JADE1: variants seen among roughly 807,000 people sequenced by gnomAD.
JADE1 encodes the protein protein Jade-1.
A neutral mutation model predicts 81.8 loss-of-function variants in JADE1; 14 were observed. That is an observed-to-expected ratio of 0.17 (90% CI 0.11 to 0.27). The LOEUF (loss-of-function observed/expected upper bound fraction) is 0.27. Ranked by LOEUF, JADE1 falls within the 10% of genes least tolerant of loss-of-function variation. The probability of loss-of-function intolerance (pLI) is 1.00; values close to 1 mark genes in which losing one functional copy is unlikely to be tolerated. For missense variants in JADE1, 690 were observed against 1,047.9 expected (o/e 0.66, Z 4.71); for synonymous variants, 353 against 391.9 (o/e 0.90, Z 1.17).
intron 8 of JADE1, among the ~76,000 whole-genome samples, chr4:128,859,529 ATG>A (rs754290665): frequency 2.7e-5 from 4 of 149,086 alleles, no homozygotes; most frequent in East Asian, 2.0e-4. Flanking sequence ...ATGCTTGTGT[ATG>A]TGTGTATGCA....
intron 3 of JADE1, among the ~76,000 whole-genome samples, chr4:128,845,442 G>T (rs911053997): frequency 2.6e-5 from 4 of 152,212 alleles, no homozygotes; most frequent in Admixed American, 2.6e-4. Flanking sequence ...CCAGGTAGAA[G>T]TTTTGCCAGG....
intron 1 of JADE1, among the ~76,000 whole-genome samples, chr4:128,815,345 C>T (rs1441477597): frequency 2.0e-5 from 3 of 152,158 alleles, no homozygotes; most frequent in Admixed American, 6.5e-5. Flanking sequence ...CGTGATCCGC[C>T]CGCCTCAGCC....
Position 128,871,993 on chromosome 4 carries a change from C to T in JADE1, c.2260C>T (p.Pro754Ser), listed in dbSNP as rs1425840913. The T allele has an allele frequency of 1.2e-6, 2 of 1,613,838 alleles. No homozygotes were observed. Among genetic ancestry groups the T allele is most frequent in the South Asian group, 2.2e-5 (2 of 91,080 alleles). Reference protein sequence around the residue: ...PVKNWGGFRIPKKGERQQQGE... With the variant: ...PVKNWGGFRISKKGERQQQGE... ...GAAAAACTGGGGAGGATTCCGGATT[C>T]CAAAGAAGGGGGAACGGCAGCAGCA... The change falls in exon 11 of 11, where the codon CCA (proline) becomes TCA (serine). Residue 754 changes from proline (P) to serine (S), a missense_variant. Pro to Ser is a moderately conservative substitution (Grantham distance 74). This residue lies in a region of JADE1 where 218 missense variants were observed against 274.3 expected (regional missense o/e 0.79). Transcript: ENST00000226319. This position sits in a 1 kb window ranked among gnomAD's most constrained non-coding sequence, Gnocchi z 4.1.
chr4:128,871,351 A>G lies in JADE1; in HGVS notation c.1622-4A>G. 3 of 1,609,542 alleles carry G rather than the reference A, an allele frequency of 1.9e-6. No homozygotes were observed. Among genetic ancestry groups the G allele is most frequent in the Non-Finnish European group, 2.5e-6 (3 of 1,177,636 alleles). On this transcript the variant is annotated splice_polypyrimidine_tract_variant and splice_region_variant and intron_variant, in intron 10 of 10. Coordinates refer to ENST00000226319, the MANE Select transcript of JADE1 (RefSeq NM_199320.4). This position sits in a 1 kb window ranked among gnomAD's most constrained non-coding sequence, Gnocchi z 4.1. ...TTTCTTTATTTGTGGTTTTATGTTT[A>G]TAGGTGTGCCTTCTTCCTGCTCCTC... is the stretch of plus-strand genomic sequence containing the variant.
chr4:128,854,591 T>A (rs1730637834), intron 6 of JADE1, among the ~76,000 whole-genome samples: 1 of 152,196 alleles, frequency 6.6e-6, no homozygotes, highest in African/African-American at 2.4e-5. Context: ...CTCATCCTTG[T>A]GGTTTCCTCT....
chr4:128,852,367 G>A, intron 6 of JADE1, 99 bp downstream of exon 6: 2 of 914,666 alleles, frequency 2.2e-6, no homozygotes, highest in South Asian at 1.5e-5. Flanking sequence ...CTCCGAATGG[G>A]GTCTGTGTTT....
rs77445853 is a variant in JADE1, at chr4:128,831,046, C to T, written c.-26-687C>T. Among the ~76,000 whole-genome samples, 679 of 152,176 alleles carry T rather than the reference C, an allele frequency of 4.5e-3. 1 individual carries two copies. The highest frequency in any genetic ancestry group is 6.8e-3 in the Middle Eastern group (2 of 294). ...ATAGTGTTGGATTTGGAATTAGAAG[C>T]TCCATTCCCACAACGTGACCTTGGG... On this transcript the variant is annotated intron_variant, in intron 1 of 10. Coordinates refer to ENST00000226319, the MANE Select transcript of JADE1 (RefSeq NM_199320.4).
chr4:128,869,928 G>A (rs1732064530), intron 10 of JADE1, among the ~76,000 whole-genome samples: 1 of 152,036 alleles, frequency 6.6e-6, no homozygotes, highest in South Asian at 2.1e-4. Flanking sequence ...TAGAGCAGAT[G>A]GTCATGATTT....
At chr4:128,845,931 A>G (rs1198701569) in intron 3 of JADE1, among the ~76,000 whole-genome samples, 2 of 151,980 alleles carry the variant, frequency 1.3e-5, no homozygotes, top group African/African-American at 4.8e-5. Context: ...CTCAGAAAAA[A>G]AAAAAAGGAG....
chr4:128,829,490 G>A (rs1728348184), intron 1 of JADE1, among the ~76,000 whole-genome samples: 1 of 152,120 alleles, frequency 6.6e-6, no homozygotes, highest in Admixed American at 6.5e-5. Flanking sequence ...TATAGATTAG[G>A]GACCTAAATA....
intron 10 of JADE1, 45 bp downstream of exon 10, chr4:128,868,018 G>A (rs765412453): frequency 5.6e-5 from 57 of 1,022,774 alleles, no homozygotes; most frequent in Admixed American, 1.1e-4. Context: ...GCAGGGGTTT[G>A]TAAGCTTTAA....
rs1361861628 is a variant in JADE1 at position 128,874,088 on chromosome 4, A to C, written c.*1826A>C. The C allele has an allele frequency of 1.3e-5, 2 of 152,656 alleles. No individual in the cohort carries two copies. The highest frequency in any genetic ancestry group is 2.9e-5 in the Non-Finnish European group (2 of 68,046). The allele number at this position is 152,656 out of a possible 1,614,324, so 9.5% of individuals were successfully genotyped here. A position where few individuals can be genotyped will look rare whatever the true frequency, so the allele number is the denominator to read the frequency against. ...CTCATTTTGAAAGACTGCTGTCCAG[A>C]TCAGCTTGTTGCTGCAGATAATAGA... is the stretch of plus-strand genomic sequence containing the variant. On this transcript the variant is annotated 3_prime_UTR_variant, in exon 11 of 11. Transcript: ENST00000226319.
At chr4:128,868,031 CTG>C in intron 10 of JADE1, 58 bp downstream of exon 10, 1 of 803,890 alleles carries the variant, frequency 1.2e-6, no homozygotes, top group Non-Finnish European at 2.1e-6. Flanking sequence ...AGCTTTAACA[CTG>C]TTGAGGAAGA....
intron 4 of JADE1, among the ~76,000 whole-genome samples, chr4:128,847,600 G>T (rs1729975138): frequency 6.6e-6 from 1 of 152,202 alleles, no homozygotes; most frequent in African/African-American, 2.4e-5. Context: ...ACCTGATTCA[G>T]CACTGGCAGC....
intron 1 of JADE1, chr4:128,816,509 T>C (rs1053764411): frequency 6.6e-6 from 1 of 152,210 alleles, no homozygotes; most frequent in African/African-American, 2.4e-5. Context: ...AAGAAATTGA[T>C]GCTAAAAACT....
chr4:128,841,882 G>T (rs923865984), intron 2 of JADE1, among the ~76,000 whole-genome samples: 2 of 152,162 alleles, frequency 1.3e-5, no homozygotes, highest in Non-Finnish European at 1.5e-5. Flanking sequence ...AGTATTTCAG[G>T]CAGGATGGAG....
At chr4:128,867,676 CCTT>C (rs1284066776) in intron 9 of JADE1, among the ~76,000 whole-genome samples, 177 bp from the exon 10 acceptor site, 10 of 152,276 alleles carry the variant, frequency 6.6e-5, no homozygotes, top group East Asian at 5.8e-4. Context: ...TATGTGGAAT[CCTT>C]CTTATCTGCC....
intron 10 of JADE1, among the ~76,000 whole-genome samples, chr4:128,868,787 G>C (rs1044690270): frequency 2.6e-5 from 4 of 152,220 alleles, no homozygotes; most frequent in African/African-American, 9.6e-5. Flanking sequence ...CAGAGCTGCT[G>C]AGTGTGGATC....
intron 3 of JADE1, among the ~76,000 whole-genome samples, chr4:128,843,998 T>C (rs1729665266): frequency 6.6e-6 from 1 of 152,206 alleles, no homozygotes; most frequent in South Asian, 2.1e-4. Context: ...AGATCAAATG[T>C]ACTTGGGAAG....
Sources: gnomAD v4.1 joint callset for allele counts (sites outside exome capture counted in the v4.1 genomes callset) on GRCh38, gnomAD v4.1.1 for gene constraint, gnomAD v4.1.1 regional missense constraint, Gnocchi (gnomAD v3.1) non-coding constraint, MANE v1.5 for transcripts, NCBI Gene and HGNC (gene_info 2026-07-23, HGNC 2026-07-21) for gene names.